The following SLC38A1 variants were observed in gnomAD, a reference collection of about 807,000 sequenced individuals.
SLC38A1 encodes solute carrier family 38 member 1, also known as sodium-coupled neutral amino acid symporter 1.
A neutral mutation model predicts 60.3 loss-of-function variants in SLC38A1; 18 were observed. That is an observed-to-expected ratio of 0.30 (90% CI 0.21 to 0.44). The LOEUF (loss-of-function observed/expected upper bound fraction) is 0.44. SLC38A1 is among the 20% of genes least tolerant of loss of function. The pLI, the probability that SLC38A1 is intolerant of heterozygous loss-of-function variation, is 1.00. For missense variants in SLC38A1, 448 were observed against 587.2 expected (o/e 0.76, Z 2.45); for synonymous variants, 196 against 212.1 (o/e 0.92, Z 0.66).
intron 5 of SLC38A1, among the ~76,000 whole-genome samples, chr12:46,218,105 G>T (rs1262880958): frequency 6.6e-6 from 1 of 152,216 alleles, no homozygotes; most frequent in Non-Finnish European, 1.5e-5. Context: ...GGAGGTCTGA[G>T]CTTAAATGAG....
rs1337208840 is a variant in SLC38A1, at chr12:46,184,373, T to C, written c.*4597A>G. Reference sequence around the variant, plus strand: ...GTATTGCTAAATGATGGTCTGTATATTCTTTGTTTTGAAGGTGGCTAGATG... The same window carrying C: ...GTATTGCTAAATGATGGTCTGTATACTCTTTGTTTTGAAGGTGGCTAGATG... On this transcript the variant is annotated 3_prime_UTR_variant, in exon 17 of 17. Coordinates refer to ENST00000398637, the MANE Select transcript of SLC38A1 (RefSeq NM_030674.4). 6.6e-6 allele frequency: 1 copy of C among 152,196 alleles called. No individual in the cohort carries two copies. Among genetic ancestry groups the C allele is most frequent in the Non-Finnish European group, 1.5e-5 (1 of 68,038 alleles). 9.4% of individuals were successfully genotyped at this position (152,196 alleles called of 1,614,324 possible). A position where few individuals can be genotyped will look rare whatever the true frequency, so the allele number is the denominator to read the frequency against.
intron 2 of SLC38A1, 132 bp from the exon 3 acceptor site, chr12:46,240,025 G>T (rs557327773): frequency 4.2e-6 from 2 of 480,682 alleles, no homozygotes; most frequent in Non-Finnish European, 7.5e-6. Flanking sequence ...ATGCATTAAA[G>T]CAATCTTTGT....
chr12:46,207,477 C>A, intron 7 of SLC38A1, 52 bp downstream of exon 7: 2 of 1,497,466 alleles, frequency 1.3e-6, no homozygotes, highest in Non-Finnish European at 1.9e-6. Flanking sequence ...TGTGGCCGCT[C>A]ATCCACCAGA....
At chr12:46,195,668 C>T (rs1327837208) in intron 16 of SLC38A1, 2 of 163,590 alleles carry the variant, frequency 1.2e-5, no homozygotes, top group Non-Finnish European at 2.7e-5. Flanking sequence ...TTGGATGCCT[C>T]TCCCTGCATC....
intron 16 of SLC38A1, among the ~76,000 whole-genome samples, chr12:46,196,772 T>C (rs1366340573): frequency 2.0e-5 from 3 of 152,122 alleles, no homozygotes; most frequent in Non-Finnish European, 4.4e-5. Context: ...CCAAGCAAAA[T>C]GGAGCTCCAG....
chr12:46,249,122 C>T (rs922146395), intron 1 of SLC38A1, among the ~76,000 whole-genome samples: 1 of 132,120 alleles, frequency 7.6e-6, no homozygotes, highest in Non-Finnish European at 1.5e-5. Flanking sequence ...TGCCACTGCA[C>T]TCCAGACAGG....
At chr12:46,226,079 T>G (rs983080899) in intron 5 of SLC38A1, among the ~76,000 whole-genome samples, 1 of 152,234 alleles carries the variant, frequency 6.6e-6, no homozygotes, top group Non-Finnish European at 1.5e-5. Flanking sequence ...ATTAGGGAAC[T>G]GTTGTTGACT....
At chr12:46,201,972 C>T (rs1408640422) in intron 12 of SLC38A1, among the ~76,000 whole-genome samples, 2 of 151,398 alleles carry the variant, frequency 1.3e-5, no homozygotes, top group Non-Finnish European at 2.9e-5. Context: ...GCAGGCAGAT[C>T]ACCTGAGCTC....
chr12:46,199,695 T>C (rs1421040190), intron 13 of SLC38A1, among the ~76,000 whole-genome samples: 1 of 152,044 alleles, frequency 6.6e-6, no homozygotes, highest in African/African-American at 2.4e-5. Context: ...AATCCAGAAC[T>C]TCAGAAAGTG....
chr12:46,207,635 A>C lies in SLC38A1; in HGVS notation c.389-14T>G. Reference sequence around the variant, plus strand: ...ACACCATGCAGCCTATTTAAAAATCAAATTTGAGAACACAAGAAATGACAG... The same window carrying C: ...ACACCATGCAGCCTATTTAAAAATCCAATTTGAGAACACAAGAAATGACAG... On this transcript the variant is annotated splice_polypyrimidine_tract_variant and intron_variant, in intron 6 of 16. Coordinates refer to ENST00000398637, the MANE Select transcript of SLC38A1 (RefSeq NM_030674.4). The C allele has an allele frequency of 6.2e-7, 1 of 1,609,688 alleles. No homozygotes were observed. The highest frequency in any genetic ancestry group is 8.5e-7 in the Non-Finnish European group (1 of 1,175,944).
At chr12:46,190,053 T>G (rs547759537) in intron 16 of SLC38A1, among the ~76,000 whole-genome samples, 2 of 152,198 alleles carry the variant, frequency 1.3e-5, no homozygotes, top group Admixed American at 6.5e-5. Context: ...TTGTAATTTA[T>G]ATTAGGTATT....
chr12:46,236,109 T>C (rs1346944011), intron 3 of SLC38A1, among the ~76,000 whole-genome samples: 1 of 152,224 alleles, frequency 6.6e-6, no homozygotes, highest in Non-Finnish European at 1.5e-5. Context: ...GTACTTTACA[T>C]GAATTTCCTC....
intron 5 of SLC38A1, among the ~76,000 whole-genome samples, chr12:46,212,917 C>T (rs1250716080): frequency 6.6e-6 from 1 of 152,208 alleles, no homozygotes; most frequent in Non-Finnish European, 1.5e-5. Context: ...CCTCATTTTA[C>T]CTTCTGGACC....
chr12:46,207,460 A>C (rs1055223356), intron 7 of SLC38A1, 69 bp downstream of exon 7: 1 of 1,427,402 alleles, frequency 7.0e-7, no homozygotes, highest in Non-Finnish European at 9.9e-7. Context: ...AATTATGTTA[A>C]AATTCATGTG....
Position 46,204,167 on chromosome 12 carries a change from T to TAGAAGCATG in SLC38A1, c.822+133_822+134insCATGCTTCT, listed in dbSNP as rs1939786213. On this transcript the variant is annotated intron_variant, in intron 11 of 16. Transcript: ENST00000398637. ...TTTCTCAAGGATCTCTACATAGATG[T>TAGAAGCATG]GTAATCTGGAAGCAATGGTATCATG... is the stretch of plus-strand genomic sequence containing the variant. 3 of 690,288 alleles carry TAGAAGCATG rather than the reference T, an allele frequency of 4.3e-6. No homozygotes were observed. In the African/African-American group the frequency reaches 5.3e-5, roughly 12 times the overall value. The allele number at this position is 690,288 out of a possible 1,614,324, so 42.8% of individuals were successfully genotyped here.
chr12:46,203,790 T>C lies in SLC38A1; in HGVS notation c.822+511A>G, dbSNP rs371928907. Among the ~76,000 whole-genome samples the C allele has an allele frequency of 2.6e-5, 4 of 152,190 alleles. No individual in the cohort carries two copies. In the South Asian group the frequency reaches 8.3e-4, roughly 31 times the overall value. Reference sequence around the variant, plus strand: ...TAACAAAACCTTGTAAGATACAGAATAGAATACTTATTTTTACTCAAGGGG... The same window carrying C: ...TAACAAAACCTTGTAAGATACAGAACAGAATACTTATTTTTACTCAAGGGG... On this transcript the variant is annotated intron_variant, in intron 11 of 16. Coordinates refer to ENST00000398637, the MANE Select transcript of SLC38A1 (RefSeq NM_030674.4).
intron 3 of SLC38A1, among the ~76,000 whole-genome samples, chr12:46,238,620 A>G (rs1941338383): frequency 6.6e-6 from 1 of 152,226 alleles, no homozygotes; most frequent in Non-Finnish European, 1.5e-5. Flanking sequence ...CTTCCTGCTA[A>G]GCCACCTAGA....
rs772506921 is a variant in SLC38A1 at position 46,229,284 on chromosome 12, A to G, written c.199-16T>C. On this transcript the variant is annotated splice_polypyrimidine_tract_variant and intron_variant, in intron 4 of 16. Transcript: ENST00000398637. ...TACCTGGAATCTGAACAAAGAAACA[A>G]ACATTGACACTAAGCAAAATAATCC... The G allele has an allele frequency of 6.5e-7, 1 of 1,539,906 alleles. No homozygotes were observed.
intron 5 of SLC38A1, among the ~76,000 whole-genome samples, chr12:46,226,616 C>T (rs1223307437): frequency 8.8e-6 from 1 of 113,972 alleles, no homozygotes; most frequent in African/African-American, 3.0e-5. Context: ...TCATGGATTT[C>T]CTTTTTTTTT....
Sources: gnomAD v4.1 joint callset for allele counts (sites outside exome capture counted in the v4.1 genomes callset) on GRCh38, gnomAD v4.1.1 for gene constraint, MANE v1.5 for transcripts, NCBI Gene and HGNC (gene_info 2026-07-23, HGNC 2026-07-21) for gene names.